L3MBTL4: variants seen among roughly 807,000 people sequenced by gnomAD.
The protein encoded by L3MBTL4 is lethal(3)malignant brain tumor-like protein 4.
L3MBTL4 carries 70 observed loss-of-function variants against 84.5 expected under a neutral mutation model. The observed-to-expected ratio is 0.83, with a 90% CI of 0.68 to 1.01. The LOEUF (loss-of-function observed/expected upper bound fraction) is 1.01, where lower values mean the gene tolerates loss of function less well. Ranked by LOEUF, L3MBTL4 falls within the 50% of genes least tolerant of loss-of-function variation. L3MBTL4 has a pLI of 0.00. For missense variants in L3MBTL4, 715 were observed against 754.8 expected (o/e 0.95, Z 0.62); for synonymous variants, 274 against 259.8 (o/e 1.05, Z -0.52).
intron 4 of L3MBTL4, among the ~76,000 whole-genome samples, chr18:6,289,456 C>CT (rs1174946417): frequency 1.3e-5 from 2 of 152,180 alleles, no homozygotes. Context: ...ATTCCTAACA[C>CT]TTTTCTTCAT....
intron 14 of L3MBTL4, among the ~76,000 whole-genome samples, chr18:6,120,959 C>T (rs775312177): frequency 2.6e-5 from 4 of 152,106 alleles, no homozygotes; most frequent in Admixed American, 1.3e-4. Flanking sequence ...AGCTGACGCA[C>T]GTACTTCTTG....
intron 16 of L3MBTL4, among the ~76,000 whole-genome samples, chr18:6,066,920 G>GC (rs1555644142): frequency 1.5e-5 from 2 of 136,508 alleles, no homozygotes; most frequent in Non-Finnish European, 3.2e-5. Context: ...TAGATACTTT[G>GC]TTTTTTTTTT....
At chr18:6,109,621 C>G (rs1182622740) in intron 14 of L3MBTL4, among the ~76,000 whole-genome samples, 1 of 152,102 alleles carries the variant, frequency 6.6e-6, no homozygotes, top group Non-Finnish European at 1.5e-5. Flanking sequence ...TGTGGAGCCC[C>G]TGGCTAAACA....
chr18:6,313,483 C>A (rs975033902), intron 1 of L3MBTL4, among the ~76,000 whole-genome samples: 2 of 152,182 alleles, frequency 1.3e-5, no homozygotes, highest in Non-Finnish European at 2.9e-5. Flanking sequence ...TTAAGACAGG[C>A]ACTTATGTAC....
chr18:6,391,752 A>AACAACAACTACTACTACTACTACTACT (rs1555755552), intron 1 of L3MBTL4, among the ~76,000 whole-genome samples: 85 of 150,112 alleles, frequency 5.7e-4, no homozygotes, highest in African/African-American at 2.1e-3. Context: ...CAACAACAAC[A>AACAACAACTACTACTACTACTACTACT]ACTACTACTA....
chr18:6,227,434 T>C (rs139632610), intron 10 of L3MBTL4, among the ~76,000 whole-genome samples: 82 of 152,330 alleles, frequency 5.4e-4, no homozygotes, highest in African/African-American at 1.9e-3. Context: ...ACAAAGTACA[T>C]TGTTTGATAA....
Position 6,215,825 on chromosome 18 carries a change from A to AAT in L3MBTL4, c.794_795insAT (p.Asn265LysfsTer27). The AAT allele has an allele frequency of 6.3e-7, 1 of 1,589,346 alleles. No individual in the cohort carries two copies. Among genetic ancestry groups the AAT allele is most frequent in the Non-Finnish European group, 8.6e-7 (1 of 1,162,940 alleles). ...ATTCTGTCCAGGAAAAATTTTCTGG[A>AAT]TTGGGATAACCTGAAAATATATATA... On this transcript the variant is annotated frameshift_variant, in exon 11 of 19. Transcript: ENST00000317931. LOFTEE classifies it high-confidence loss of function.
chr18:6,140,352 C>T (rs1029904976), intron 13 of L3MBTL4, among the ~76,000 whole-genome samples: 1 of 152,202 alleles, frequency 6.6e-6, no homozygotes, highest in Non-Finnish European at 1.5e-5. Context: ...TCATGTCTGG[C>T]TGTGGCGCGA....
chr18:6,170,586 AG>A (rs1216390925), intron 13 of L3MBTL4, among the ~76,000 whole-genome samples: 7 of 152,168 alleles, frequency 4.6e-5, no homozygotes, highest in African/African-American at 1.7e-4. Context: ...TAGAAAAGCC[AG>A]GTGGGTAGAG....
intron 1 of L3MBTL4, among the ~76,000 whole-genome samples, chr18:6,392,440 T>G (rs2055095680): frequency 1.3e-5 from 2 of 152,160 alleles, no homozygotes; most frequent in Non-Finnish European, 2.9e-5. Context: ...TCCCAGCTAC[T>G]CAGGAGGCTG....
intron 14 of L3MBTL4, among the ~76,000 whole-genome samples, chr18:6,095,505 C>A (rs2143718969): frequency 6.6e-6 from 1 of 152,224 alleles, no homozygotes; most frequent in African/African-American, 2.4e-5. Flanking sequence ...TGCCCACAAC[C>A]ACACCCGGCT....
chr18:6,019,628 T>A (rs1420808205), intron 16 of L3MBTL4, among the ~76,000 whole-genome samples: 1 of 152,234 alleles, frequency 6.6e-6, no homozygotes, highest in African/African-American at 2.4e-5. Flanking sequence ...TATTTAATCC[T>A]CCCTACAGTT....
At chr18:6,401,073 A>G (rs16950040) in intron 1 of L3MBTL4, among the ~76,000 whole-genome samples, 28,584 of 152,062 alleles carry the variant, frequency 0.19, 3,087 homozygotes, top group African/African-American at 0.3. Flanking sequence ...AAGACTTCAT[A>G]AAACCACGTG....
intron 5 of L3MBTL4, among the ~76,000 whole-genome samples, chr18:6,261,979 G>A (rs1185056603): frequency 1.3e-5 from 2 of 152,134 alleles, no homozygotes; most frequent in Non-Finnish European, 1.5e-5. Flanking sequence ...GTGGGGGGGT[G>A]GGGTGTAAGA....
intron 10 of L3MBTL4, among the ~76,000 whole-genome samples, chr18:6,232,893 C>T (rs2146008984): frequency 6.6e-6 from 1 of 151,908 alleles, no homozygotes; most frequent in East Asian, 1.9e-4. Flanking sequence ...AAAGGATTTC[C>T]TCCCGATCAT....
intron 12 of L3MBTL4, among the ~76,000 whole-genome samples, chr18:6,181,774 T>A (rs2044483061): frequency 6.6e-6 from 1 of 152,176 alleles, no homozygotes. Context: ...TGTTTTTCGG[T>A]TTCTATATTA....
At chr18:5,965,891 G>C (rs1463844577) in intron 17 of L3MBTL4, among the ~76,000 whole-genome samples, 1 of 152,182 alleles carries the variant, frequency 6.6e-6, no homozygotes, top group East Asian at 1.9e-4. Context: ...CCTGACGGAA[G>C]ACAAGGTTAT....
intron 16 of L3MBTL4, among the ~76,000 whole-genome samples, chr18:5,990,730 C>T (rs1036720110): frequency 1.3e-5 from 2 of 151,428 alleles, no homozygotes; most frequent in African/African-American, 2.4e-5. Flanking sequence ...AAGTCTAAGC[C>T]CTGAAGGAAT....
intron 16 of L3MBTL4, among the ~76,000 whole-genome samples, chr18:6,012,192 A>G (rs1222912806): frequency 2.6e-5 from 4 of 152,186 alleles, no homozygotes; most frequent in African/African-American, 9.7e-5. Flanking sequence ...AGCAGAAAAC[A>G]CGGAGTGAAG....
Sources: gnomAD v4.1 joint callset for allele counts (sites outside exome capture counted in the v4.1 genomes callset) on GRCh38, gnomAD v4.1.1 for gene constraint, MANE v1.5 for transcripts, NCBI Gene and HGNC (gene_info 2026-07-23, HGNC 2026-07-21) for gene names.